The following PLCH1 variants were observed in gnomAD, a reference collection of about 807,000 sequenced individuals.
The protein encoded by PLCH1 is phospholipase C eta 1.
In PLCH1, 60 loss-of-function variants were observed where a neutral mutation model predicts 126.7. That is an observed-to-expected ratio of 0.47 (90% CI 0.38 to 0.59). The LOEUF (loss-of-function observed/expected upper bound fraction) is 0.59. PLCH1 is among the 20% of genes least tolerant of loss of function. The probability of loss-of-function intolerance (pLI) is 0.00; values close to 1 mark genes in which losing one functional copy is unlikely to be tolerated. For missense variants in PLCH1, 1,723 were observed against 2,040.0 expected, an observed-to-expected ratio of 0.84 and a Z score of 2.99; for synonymous variants, 719 against 734.9, an observed-to-expected ratio of 0.98 and a Z score of 0.35.
intron 2 of PLCH1, among the ~76,000 whole-genome samples, chr3:155,637,725 AT>A (rs2108840841): frequency 6.6e-6 from 1 of 152,330 alleles, no homozygotes; most frequent in East Asian, 1.9e-4. Context: ...CACAATTATC[AT>A]ACATCAATAA....
intron 10 of PLCH1, among the ~76,000 whole-genome samples, chr3:155,536,685 A>G (rs1723399949): frequency 6.6e-6 from 1 of 152,116 alleles, no homozygotes; most frequent in Non-Finnish European, 1.5e-5. Context: ...ATGTTAAATG[A>G]ACAAACCTAA....
At position 155,504,658 on chromosome 3, in the gene PLCH1, ATCT is replaced by A. The variant is rs774919589; in HGVS notation, c.1633-35_1633-33del. 6 of 1,423,208 alleles carry A rather than the reference ATCT, an allele frequency of 4.2e-6. No individual in the cohort carries two copies. The East Asian group carries it at 1.4e-4, about 32-fold the overall frequency. 88.2% of individuals were successfully genotyped at this position (1,423,208 alleles called of 1,614,324 possible). Reference sequence around the variant, plus strand: ...AAATAAAGGCATAATATAACTATTTATCTTCTTTGCTTTTGTCTTTTTCCTTAG... The same window carrying A: ...AAATAAAGGCATAATATAACTATTTATCTTTGCTTTTGTCTTTTTCCTTAG... On this transcript the variant is annotated intron_variant, in intron 12 of 22. Transcript: ENST00000460012.
At chr3:155,742,019 G>C (rs1749680295) in intron 1 of PLCH1, 1 of 152,106 alleles carries the variant, frequency 6.6e-6, no homozygotes, top group Non-Finnish European at 1.5e-5. Context: ...ATTTGTTTCT[G>C]AATCTGCAAG....
rs1219792230 is a variant in PLCH1 at position 155,578,446 on chromosome 3, T to C, written c.771+5026A>G. On this transcript the variant is annotated intron_variant, in intron 6 of 22. Transcript: ENST00000460012. ...AAGGTAAAGTAAAATATTAAGTAGG[T>C]ATTAGAAAGTTATCTAATCACATGG... Among the ~76,000 whole-genome samples the C allele has an allele frequency of 1.3e-5, 2 of 152,230 alleles. 1 individual carries two copies. Among genetic ancestry groups the C allele is most frequent in the Non-Finnish European group, 2.9e-5 (2 of 68,040 alleles).
chr3:155,557,986 G>A (rs1312194185), intron 8 of PLCH1, among the ~76,000 whole-genome samples: 4 of 152,102 alleles, frequency 2.6e-5, no homozygotes, highest in South Asian at 2.1e-4. Flanking sequence ...AAAATCAAGC[G>A]AATAAAAGGC....
chr3:155,485,550 C>A lies in PLCH1; in HGVS notation c.2780G>T (p.Gly927Val). The part of the protein sequence containing the change: ...PAKGRKKSKM[G>V]FQEMVEIKDS... ...CTTTATCTCCACCATTTCTTGGAAG[C>A]CCATTTTGCTCTTTTTCCTGCCTTT... Residue 927 changes from glycine to valine, a missense_variant, in exon 22 of 23, where the codon GGC (glycine) becomes GTC (valine). By Grantham distance (109) the Gly-to-Val change is moderately radical (BLOSUM62 -3). Transcript: ENST00000460012. 6.2e-7 allele frequency: 1 copy of A among 1,614,178 alleles called. No individual in the cohort carries two copies. Among genetic ancestry groups the A allele is most frequent in the African/African-American group, 1.3e-5 (1 of 75,046 alleles).
At chr3:155,543,942 T>A (rs1195498796) in intron 10 of PLCH1, among the ~76,000 whole-genome samples, 1 of 151,872 alleles carries the variant, frequency 6.6e-6, no homozygotes, top group Admixed American at 6.6e-5. Context: ...TCATGCCAAA[T>A]TGTAAAGACC....
chr3:155,731,839 C>T (rs1294242734), intron 1 of PLCH1, among the ~76,000 whole-genome samples: 1 of 151,818 alleles, frequency 6.6e-6, no homozygotes, highest in Non-Finnish European at 1.5e-5. Flanking sequence ...AAAAATTAGC[C>T]AAGCATGGCG....
At chr3:155,560,819 G>T (rs920006874) in intron 8 of PLCH1, among the ~76,000 whole-genome samples, 2 of 152,094 alleles carry the variant, frequency 1.3e-5, no homozygotes, top group Non-Finnish European at 1.5e-5. Flanking sequence ...GTGACTCATG[G>T]CATCTCCATT....
At chr3:155,603,434 A>G (rs1038298446) in intron 2 of PLCH1, among the ~76,000 whole-genome samples, 14 of 152,188 alleles carry the variant, frequency 9.2e-5, no homozygotes, top group Admixed American at 3.9e-4. Flanking sequence ...CTATTTTGGG[A>G]CTTGGTACAT....
intron 2 of PLCH1, among the ~76,000 whole-genome samples, chr3:155,600,213 G>A (rs1289367475): frequency 6.6e-6 from 1 of 152,098 alleles, no homozygotes; most frequent in East Asian, 1.9e-4. Context: ...ATAACTCTTT[G>A]CAACTCATTC....
intron 14 of PLCH1, among the ~76,000 whole-genome samples, chr3:155,498,357 C>T (rs1717380368): frequency 6.6e-6 from 1 of 152,216 alleles, no homozygotes; most frequent in Non-Finnish European, 1.5e-5. Flanking sequence ...ATAGGGTTCA[C>T]TACCATCTGT....
At chr3:155,502,966 G>A (rs1718124514) in intron 13 of PLCH1, among the ~76,000 whole-genome samples, 1 of 152,204 alleles carries the variant, frequency 6.6e-6, no homozygotes, top group South Asian at 2.1e-4. Flanking sequence ...TGGCCTTACA[G>A]AAACCTCACG....
intron 17 of PLCH1, 43 bp from the exon 18 acceptor site, chr3:155,492,896 C>A: frequency 1.4e-6 from 2 of 1,480,644 alleles, no homozygotes; most frequent in South Asian, 1.4e-5. Context: ...AGAAGAAACA[C>A]ACACGCATGC....
At chr3:155,639,849 C>A (rs957083899) in intron 2 of PLCH1, among the ~76,000 whole-genome samples, 5 of 152,192 alleles carry the variant, frequency 3.3e-5, no homozygotes, top group South Asian at 4.2e-4. Flanking sequence ...ATATCCCCCC[C>A]TGCTGTTCTC....
At position 155,481,004 on chromosome 3, in the gene PLCH1, A is replaced by G; in HGVS notation, c.5022T>C (p.Asp1674=). The G allele has an allele frequency of 1.3e-6, 2 of 1,595,766 alleles. No individual in the cohort carries two copies. The highest frequency in any genetic ancestry group is 1.7e-6 in the Non-Finnish European group (2 of 1,167,110). The part of the protein sequence containing the change: ...NSVLQTEPSS[D]DKPEIYFLLR... ...AAAGAAAATAAATTTCTGGTTTATC[A>G]TCACTGCTTGGCTCAGTCTGCAAAA... is the stretch of plus-strand genomic sequence containing the variant. The change falls in exon 23 of 23, where the codon GAT becomes GAC. Residue 1674 remains aspartate (D), a synonymous_variant. Coordinates refer to ENST00000460012, the MANE Select transcript of PLCH1 (RefSeq NM_014996.4). The surrounding 1 kb of genome is among the most constrained non-coding windows in gnomAD (Gnocchi z 4.2).
At chr3:155,470,009 C>T (rs984338295) in intron 21 of PLCH1, among the ~76,000 whole-genome samples, 5 of 152,098 alleles carry the variant, frequency 3.3e-5, no homozygotes, top group Admixed American at 1.3e-4. Context: ...AACTCTAAAA[C>T]GCAGAACGCC....
chr3:155,522,968 G>T (rs185064956), intron 11 of PLCH1, among the ~76,000 whole-genome samples: 206 of 147,680 alleles, frequency 1.4e-3, no homozygotes, highest in Admixed American at 8.6e-3. Flanking sequence ...TTTTGCGGGG[G>T]GGGTGGGGTG....
At chr3:155,582,278 T>G (rs376367132) in intron 6 of PLCH1, among the ~76,000 whole-genome samples, 1 of 151,474 alleles carries the variant, frequency 6.6e-6, no homozygotes, top group Admixed American at 6.6e-5. Context: ...AGACTGGGTT[T>G]CGCCATGTTG....
Sources: gnomAD v4.1 joint callset for allele counts (sites outside exome capture counted in the v4.1 genomes callset) on GRCh38, gnomAD v4.1.1 for gene constraint, Gnocchi (gnomAD v3.1) non-coding constraint, MANE v1.5 for transcripts, NCBI Gene and HGNC (gene_info 2026-07-23, HGNC 2026-07-21) for gene names.